ROR1: variants seen among roughly 807,000 people sequenced by gnomAD.
ROR1 encodes ROR family WNT receptor 1, also known as inactive tyrosine-protein kinase transmembrane receptor ROR1.
A neutral mutation model predicts 78.8 loss-of-function variants in ROR1; 19 were observed. The observed-to-expected ratio is 0.24, with a 90% confidence interval of 0.17 to 0.35. ROR1 has a LOEUF of 0.35. Ranked by LOEUF, ROR1 falls within the 10% of genes least tolerant of loss-of-function variation. The probability of loss-of-function intolerance (pLI) is 1.00; values close to 1 mark genes in which losing one functional copy is unlikely to be tolerated. For missense variants in ROR1, 917 were observed against 1,177.8 expected, an observed-to-expected ratio of 0.78 and a Z score of 3.24; for synonymous variants, 386 against 433.6, an observed-to-expected ratio of 0.89 and a Z score of 1.36.
intron 2 of ROR1, among the ~76,000 whole-genome samples, chr1:64,020,183 A>G (rs1206551351): frequency 6.6e-6 from 1 of 152,202 alleles, no homozygotes; most frequent in African/African-American, 2.4e-5. Flanking sequence ...GCTTTAAGCC[A>G]CTAAGTTTGT....
chr1:64,036,670 T>G (rs1342417454), intron 2 of ROR1, among the ~76,000 whole-genome samples: 1 of 152,222 alleles, frequency 6.6e-6, no homozygotes, highest in African/African-American at 2.4e-5. Context: ...TCTAGAGAAT[T>G]TACTTCACTC....
intron 1 of ROR1, among the ~76,000 whole-genome samples, chr1:63,974,603 C>A (rs1003360702): frequency 6.6e-6 from 1 of 151,836 alleles, no homozygotes; most frequent in Non-Finnish European, 1.5e-5. Context: ...CTTGAATCTC[C>A]TTTAAAACTT....
rs373576547 is a variant in ROR1, at chr1:64,153,649, C to T, written c.1175-5332C>T. 6.6e-5 allele frequency among the ~76,000 whole-genome samples: 10 copies of T among 151,982 alleles called. No homozygotes were observed. The East Asian group carries it at 1.2e-3, about 18-fold the overall frequency. The stretch of plus-strand genomic sequence containing the variant: ...ATTAGACTAAGTAAAATACACCAGT[C>T]ACAGAAAGATAGATACTGAATGATC... On this transcript the variant is annotated intron_variant, in intron 7 of 8. Transcript: ENST00000371079.
chr1:64,009,637 G>T (rs1417414761), intron 2 of ROR1, among the ~76,000 whole-genome samples: 1 of 151,982 alleles, frequency 6.6e-6, no homozygotes, highest in Admixed American at 6.6e-5. Context: ...TTCAAGATGT[G>T]AAATAGGGTC....
At chr1:63,878,754 T>C (rs1645304833) in intron 1 of ROR1, among the ~76,000 whole-genome samples, 1 of 152,120 alleles carries the variant, frequency 6.6e-6, no homozygotes, top group Non-Finnish European at 1.5e-5. Flanking sequence ...AGGGCATTCA[T>C]TCTCTTTTTA....
At chr1:63,775,002 G>T (rs976759188) in intron 1 of ROR1, among the ~76,000 whole-genome samples, 1 of 152,106 alleles carries the variant, frequency 6.6e-6, no homozygotes, top group Admixed American at 6.5e-5. Flanking sequence ...GCAAACAAAA[G>T]CCCTGTCCTC....
chr1:64,137,103 CA>C (rs1649139600), intron 4 of ROR1, among the ~76,000 whole-genome samples: 1 of 152,168 alleles, frequency 6.6e-6, no homozygotes. Context: ...AGCCCACCAC[CA>C]GCTGCGAAAA....
At chr1:63,950,794 T>C (rs1645928977) in intron 1 of ROR1, among the ~76,000 whole-genome samples, 1 of 152,176 alleles carries the variant, frequency 6.6e-6, no homozygotes, top group African/African-American at 2.4e-5. Context: ...TATCAAACAC[T>C]TTTAAGGGGA....
chr1:64,086,601 ATTACCTTTGAGTATGGTGTG>A (rs1228128876), intron 4 of ROR1, among the ~76,000 whole-genome samples: 1 of 152,174 alleles, frequency 6.6e-6, no homozygotes, highest in African/African-American at 2.4e-5. Context: ...AGTATTGCAC[ATTACCTTTGAGTATGGTGTG>A]TTACCTTTGG....
At chr1:64,049,053 A>G (rs1646807640) in intron 2 of ROR1, among the ~76,000 whole-genome samples, 1 of 152,204 alleles carries the variant, frequency 6.6e-6, no homozygotes, top group African/African-American at 2.4e-5. Context: ...TAATCTATAT[A>G]TATGTGATCA....
In ROR1 at chr1:63,963,932, C is replaced by A. The variant is rs76033532; in HGVS notation, c.92-45373C>A. 1.3e-4 allele frequency among the ~76,000 whole-genome samples: 20 copies of A among 152,222 alleles called. No homozygotes were observed. The South Asian group carries it at 3.3e-3, about 25-fold the overall frequency. On this transcript the variant is annotated intron_variant, in intron 1 of 8. Coordinates refer to ENST00000371079, the MANE Select transcript of ROR1 (RefSeq NM_005012.4). ...TAGAAGAAATCTGGCCTTTTCTGAC[C>A]GTGAAGCTACTGTATCAGTCTTATA... is the stretch of plus-strand genomic sequence containing the variant.
intron 1 of ROR1, among the ~76,000 whole-genome samples, chr1:63,899,461 C>A (rs1005302292): frequency 1.3e-5 from 2 of 152,058 alleles, no homozygotes; most frequent in African/African-American, 4.8e-5. Flanking sequence ...TTCTTCAAAA[C>A]GATATTAATA....
intron 6 of ROR1, among the ~76,000 whole-genome samples, chr1:64,142,080 C>G (rs929496330): frequency 1.1e-4 from 17 of 152,340 alleles, no homozygotes; most frequent in African/African-American, 4.1e-4. Flanking sequence ...TTCCTTGAAC[C>G]ATTCACTAGG....
At chr1:63,933,978 A>G (rs574372743) in intron 1 of ROR1, among the ~76,000 whole-genome samples, 2 of 152,290 alleles carry the variant, frequency 1.3e-5, no homozygotes, top group South Asian at 2.1e-4. Context: ...TGATGGGAGC[A>G]CCAAGGCTTG....
chr1:63,889,353 T>C (rs1434767512), intron 1 of ROR1, among the ~76,000 whole-genome samples: 1 of 152,162 alleles, frequency 6.6e-6, no homozygotes, highest in African/African-American at 2.4e-5. Flanking sequence ...CTGGTTACCA[T>C]AGGCATTATT....
At chr1:63,806,606 C>T (rs750420688) in intron 1 of ROR1, among the ~76,000 whole-genome samples, 4 of 152,210 alleles carry the variant, frequency 2.6e-5, no homozygotes, top group Admixed American at 1.3e-4. Flanking sequence ...CGTGAGCCAC[C>T]GCGCCTGGCC....
At position 63,942,527 on chromosome 1, in the gene ROR1, G is replaced by A. The variant is rs139592383; in HGVS notation, c.92-66778G>A. On this transcript the variant is annotated intron_variant, in intron 1 of 8. Transcript: ENST00000371079. ...AGAGCCACGCCATTTTCATCTTTGT[G>A]TCCTTATTGCTCTGTATGATGCATG... is the stretch of plus-strand genomic sequence containing the variant. Among the ~76,000 whole-genome samples the A allele has an allele frequency of 2.5e-3, 378 of 151,942 alleles. 1 individual carries two copies. The highest frequency in any genetic ancestry group is 8.5e-3 in the African/African-American group (353 of 41,414).
At chr1:63,969,465 C>T (rs185686432) in intron 1 of ROR1, among the ~76,000 whole-genome samples, 127 of 152,216 alleles carry the variant, frequency 8.3e-4, no homozygotes, top group Non-Finnish European at 1.5e-4. Flanking sequence ...GAGCTATGGA[C>T]TCATAGCACT....
intron 4 of ROR1, among the ~76,000 whole-genome samples, chr1:64,098,302 C>T (rs116707825): frequency 0.015 from 2,284 of 152,194 alleles, 56 homozygotes; most frequent in African/African-American, 0.053. Flanking sequence ...GTCCCAAACC[C>T]CCTCTGAAAT....
Sources: gnomAD v4.1 joint callset for allele counts (sites outside exome capture counted in the v4.1 genomes callset) on GRCh38, gnomAD v4.1.1 for gene constraint, MANE v1.5 for transcripts, NCBI Gene and HGNC (gene_info 2026-07-23, HGNC 2026-07-21) for gene names.